VPS41: variants seen among roughly 807,000 people sequenced by gnomAD.
VPS41 encodes vacuolar protein sorting-associated protein 41 homolog.
Under a neutral mutation model 130.9 loss-of-function variants are expected in VPS41, and 85 were observed. That is an observed-to-expected ratio of 0.65 (90% CI 0.55 to 0.78). The LOEUF (loss-of-function observed/expected upper bound fraction) is 0.78. VPS41 is among the 30% of genes least tolerant of loss of function. The pLI is 0.00. For synonymous variants in VPS41, 335 were observed against 332.9 expected, an observed-to-expected ratio of 1.01 and a Z score of -0.07; for missense variants, 874 against 1,018.7, an observed-to-expected ratio of 0.86 and a Z score of 1.93.
chr7:38,887,801 G>A (rs1018886021), intron 2 of VPS41, among the ~76,000 whole-genome samples: 2 of 152,200 alleles, frequency 1.3e-5, no homozygotes, highest in African/African-American at 4.8e-5. Context: ...CACCCACAAA[G>A]GGAGGCCTAT....
At chr7:38,894,513 A>G (rs956864441) in intron 2 of VPS41, among the ~76,000 whole-genome samples, 1 of 152,152 alleles carries the variant, frequency 6.6e-6, no homozygotes, top group Non-Finnish European at 1.5e-5. Flanking sequence ...AAGCTGGAAA[A>G]TGAGCCACCA....
intron 2 of VPS41, among the ~76,000 whole-genome samples, chr7:38,877,964 A>G (rs1159333700): frequency 6.6e-6 from 1 of 152,036 alleles, no homozygotes; most frequent in Admixed American, 6.5e-5. Context: ...CCAGAAGGAG[A>G]ACTATGCTTG....
Position 38,796,727 on chromosome 7 carries a change from C to G in VPS41, c.570+18G>C, listed in dbSNP as rs1390758333. ...TGCCACTGAACAAGCATTAGGAAGACAGAGGCATATTTTTTACCATATTAT... is the reference window on the plus strand; with the variant it reads ...TGCCACTGAACAAGCATTAGGAAGAGAGAGGCATATTTTTTACCATATTAT... On this transcript the variant is annotated intron_variant, in intron 8 of 28. Transcript: ENST00000310301. The G allele has an allele frequency of 6.2e-7, 1 of 1,613,386 alleles. No homozygotes were observed. Among genetic ancestry groups the G allele is most frequent in the Non-Finnish European group, 8.5e-7 (1 of 1,179,578 alleles).
At chr7:38,819,803 C>T (rs923446909) in intron 6 of VPS41, among the ~76,000 whole-genome samples, 2 of 152,044 alleles carry the variant, frequency 1.3e-5, no homozygotes, top group African/African-American at 4.8e-5. Flanking sequence ...TTAGAGTGTT[C>T]CAGAATTTCA....
intron 4 of VPS41, among the ~76,000 whole-genome samples, chr7:38,844,141 T>G (rs1031173155): frequency 6.6e-6 from 1 of 152,238 alleles, no homozygotes; most frequent in Non-Finnish European, 1.5e-5. Context: ...AGATGATGAC[T>G]GTTATACTCC....
intron 4 of VPS41, among the ~76,000 whole-genome samples, chr7:38,855,945 TC>T (rs1360375479): frequency 2.6e-5 from 4 of 152,124 alleles, no homozygotes; most frequent in Non-Finnish European, 2.9e-5. Context: ...ACAGAAATTC[TC>T]CTAGTTTTGG....
chr7:38,791,709 C>G (rs1293541095), intron 9 of VPS41, among the ~76,000 whole-genome samples: 1 of 152,100 alleles, frequency 6.6e-6, no homozygotes, highest in Non-Finnish European at 1.5e-5. Flanking sequence ...AGAGTTGAGG[C>G]TGGAGAGTAA....
rs368105626 is a variant in VPS41, at chr7:38,745,346, T to C, written c.1981+213A>G. Among the ~76,000 whole-genome samples, 7 of 152,344 alleles carry C rather than the reference T, an allele frequency of 4.6e-5. No individual in the cohort carries two copies. In the East Asian group the frequency reaches 1.2e-3, roughly 25 times the overall value. ...CTGATAAATTTTGATATGTTGATTA[T>C]ACATTGCCAATATGTTATTTCAACA... On this transcript the variant is annotated intron_variant, in intron 23 of 28. Coordinates refer to ENST00000310301, the MANE Select transcript of VPS41 (RefSeq NM_014396.4).
At chr7:38,761,207 C>CCTTA (rs1405042387) in intron 17 of VPS41, among the ~76,000 whole-genome samples, 2 of 143,702 alleles carry the variant, frequency 1.4e-5, no homozygotes, top group Non-Finnish European at 3.0e-5. Flanking sequence ...TCCCTCCCTT[C>CCTTA]CTTTTCTTTC....
chr7:38,731,950 C>G (rs543562621), intron 25 of VPS41, among the ~76,000 whole-genome samples: 1 of 152,304 alleles, frequency 6.6e-6, no homozygotes, highest in Admixed American at 6.5e-5. Flanking sequence ...TTTTCAAACA[C>G]AACTCCAACT....
intron 4 of VPS41, among the ~76,000 whole-genome samples, chr7:38,846,525 C>G (rs1417483252): frequency 6.6e-6 from 1 of 152,086 alleles, no homozygotes; most frequent in Non-Finnish European, 1.5e-5. Flanking sequence ...TGCAGGGGAC[C>G]ACTGTTACGA....
At chr7:38,802,199 T>C (rs1366914857) in intron 7 of VPS41, among the ~76,000 whole-genome samples, 1 of 152,204 alleles carries the variant, frequency 6.6e-6, no homozygotes. Context: ...AGACACGAAC[T>C]GGCCACACGT....
chr7:38,751,637 AG>A (rs1257939344), intron 22 of VPS41, among the ~76,000 whole-genome samples: 2 of 152,234 alleles, frequency 1.3e-5, no homozygotes, highest in African/African-American at 4.8e-5. Flanking sequence ...TTGTCTTTGA[AG>A]AATTTCCAGG....
At position 38,728,541 on chromosome 7, in the gene VPS41, C is replaced by T. The variant is rs1383993157; in HGVS notation, c.2404+1G>A. ...GATTTTTTTGGGGAAAACCTTCTTA[C>T]CTGATGGAAGAATAGGGGAAAGGCA... On this transcript the variant is annotated splice_donor_variant, in intron 27 of 28. Transcript: ENST00000310301. LOFTEE classifies it high-confidence loss of function. The T allele has an allele frequency of 6.2e-7, 1 of 1,614,086 alleles. No homozygotes were observed. The highest frequency in any genetic ancestry group is 1.1e-5 in the South Asian group (1 of 91,072).
chr7:38,763,637 T>C (rs767776613), intron 16 of VPS41, 90 bp from the exon 17 acceptor site: 1 of 811,134 alleles, frequency 1.2e-6, no homozygotes, highest in Non-Finnish European at 1.9e-6. Flanking sequence ...AGTATATTTT[T>C]ACTTTAAAAA....
intron 25 of VPS41, among the ~76,000 whole-genome samples, chr7:38,734,394 C>T (rs1795725107): frequency 6.6e-6 from 1 of 152,138 alleles, no homozygotes; most frequent in Non-Finnish European, 1.5e-5. Context: ...TTTACTCTTC[C>T]CTTTTCGTCA....
intron 25 of VPS41, among the ~76,000 whole-genome samples, chr7:38,739,382 T>C (rs751380081): frequency 1.3e-5 from 2 of 152,142 alleles, no homozygotes; most frequent in Non-Finnish European, 2.9e-5. Context: ...AACATAGTTT[T>C]ATAAAATACA....
intron 2 of VPS41, among the ~76,000 whole-genome samples, chr7:38,882,472 T>C (rs1786634301): frequency 6.6e-6 from 1 of 152,220 alleles, no homozygotes; most frequent in African/African-American, 2.4e-5. Flanking sequence ...TTCATGGTTT[T>C]GAACACCATC....
At chr7:38,835,303 T>C (rs1037591820) in intron 4 of VPS41, among the ~76,000 whole-genome samples, 2 of 152,016 alleles carry the variant, frequency 1.3e-5, no homozygotes, top group East Asian at 1.9e-4. Flanking sequence ...AACAATTTTG[T>C]TCACCATCTT....
Sources: gnomAD v4.1 joint callset for allele counts (sites outside exome capture counted in the v4.1 genomes callset) on GRCh38, gnomAD v4.1.1 for gene constraint, MANE v1.5 for transcripts, NCBI Gene and HGNC (gene_info 2026-07-23, HGNC 2026-07-21) for gene names.